MBNL1: variants seen among roughly 807,000 people sequenced by gnomAD.
The protein encoded by MBNL1 is muscleblind-like protein 1.
MBNL1 carries 8 observed loss-of-function variants against 42.2 expected under a neutral mutation model. The observed-to-expected ratio is 0.19, with a 90% CI of 0.11 to 0.34. The LOEUF is 0.34. Ranked by LOEUF, MBNL1 falls within the 10% of genes least tolerant of loss-of-function variation. The probability of loss-of-function intolerance (pLI) is 1.00; values close to 1 mark genes in which losing one functional copy is unlikely to be tolerated. For missense variants in MBNL1, 309 were observed against 495.3 expected (o/e 0.62, Z 3.57); for synonymous variants, 169 against 173.9 (o/e 0.97, Z 0.22).
chr3:152,432,735 C>T lies in MBNL1; in HGVS notation c.364C>T (p.Pro122Ser), dbSNP rs199635840. ...TTTTCAGCCAATGTTTTCAGTTGCA[C>T]CAAGCTTAGCCACCAATGCATCAGC... is the stretch of plus-strand genomic sequence containing the variant. Reference protein sequence around the residue: ...LQPVPMFSVAPSLATNASAAA... With the variant: ...LQPVPMFSVASSLATNASAAA... Residue 122 changes from proline to serine, a missense_variant, in exon 4 of 10, where the codon CCA (proline) becomes TCA (serine). Coordinates refer to ENST00000324210, the MANE Select transcript of MBNL1 (RefSeq NM_021038.5). 6.2e-7 allele frequency: 1 copy of T among 1,614,174 alleles called. No individual in the cohort carries two copies. Among genetic ancestry groups the T allele is most frequent in the East Asian group, 2.2e-5 (1 of 44,886 alleles).
At chr3:152,274,308 A>G (rs985893947) in intron 1 of MBNL1, among the ~76,000 whole-genome samples, 1 of 152,214 alleles carries the variant, frequency 6.6e-6, no homozygotes, top group African/African-American at 2.4e-5. Context: ...ATAAGTGAAT[A>G]CATATTGTGA....
At chr3:152,440,501 A>G (rs1480525167) in intron 4 of MBNL1, among the ~76,000 whole-genome samples, 2 of 152,180 alleles carry the variant, frequency 1.3e-5, no homozygotes, top group South Asian at 2.1e-4. Flanking sequence ...CTTATTCCCT[A>G]TCTTAAGAAC....
At chr3:152,415,202 A>G (rs904582058) in intron 3 of MBNL1, 91 bp downstream of exon 3, 2 of 1,205,060 alleles carry the variant, frequency 1.7e-6, no homozygotes, top group Non-Finnish European at 2.2e-6. Context: ...GATCAAATGA[A>G]CACAGGCAAC....
intron 2 of MBNL1, chr3:152,300,910 A>C (rs2060472941): frequency 1.8e-5 from 18 of 983,198 alleles, no homozygotes; most frequent in Non-Finnish European, 2.2e-5. Context: ...TGGAAAATGT[A>C]ACTAGAAGTA....
At chr3:152,324,817 C>T (rs1379038076) in intron 2 of MBNL1, among the ~76,000 whole-genome samples, 5 of 151,950 alleles carry the variant, frequency 3.3e-5, no homozygotes, top group African/African-American at 4.8e-5. Flanking sequence ...AATAATAGCA[C>T]GTACCTTGGG....
At chr3:152,310,383 A>C (rs1012269643) in intron 2 of MBNL1, among the ~76,000 whole-genome samples, 6 of 152,250 alleles carry the variant, frequency 3.9e-5, no homozygotes, top group Non-Finnish European at 8.8e-5. Flanking sequence ...GAGATGCTGA[A>C]CTGAGATTCA....
At chr3:152,330,808 T>TA (rs1165203161) in intron 2 of MBNL1, among the ~76,000 whole-genome samples, 1 of 152,188 alleles carries the variant, frequency 6.6e-6, no homozygotes, top group Non-Finnish European at 1.5e-5. Flanking sequence ...ATTTATAAAT[T>TA]AAACTTTATT....
intron 1 of MBNL1, among the ~76,000 whole-genome samples, chr3:152,288,609 T>C (rs529627999): frequency 6.6e-6 from 1 of 152,300 alleles, no homozygotes; most frequent in East Asian, 1.9e-4. Context: ...TCTTATGACA[T>C]AGTGTTGTCA....
intron 1 of MBNL1, among the ~76,000 whole-genome samples, chr3:152,291,091 G>A (rs541951946): frequency 9.6e-4 from 146 of 152,248 alleles, no homozygotes; most frequent in African/African-American, 3.4e-3. Flanking sequence ...TGATGTCTTT[G>A]TGTAATATAT....
chr3:152,358,320 T>C (rs984265029), intron 2 of MBNL1, among the ~76,000 whole-genome samples: 18 of 152,222 alleles, frequency 1.2e-4, no homozygotes, highest in Non-Finnish European at 2.4e-4. Context: ...TTTTTATTCA[T>C]ATTTAAACAT....
upstream of MBNL1, chr3:152,268,791 T>C (rs906756888): frequency 2.2e-6 from 1 of 453,396 alleles, no homozygotes; most frequent in Non-Finnish European, 4.4e-6. Flanking sequence ...AAGAGCGTTT[T>C]TCTCGCCGCC....
intron 2 of MBNL1, among the ~76,000 whole-genome samples, chr3:152,394,921 C>T (rs549853784): frequency 3.9e-5 from 6 of 152,276 alleles, no homozygotes; most frequent in East Asian, 1.9e-4. Flanking sequence ...CGCAGTGGAG[C>T]GATCTCGGCT....
chr3:152,313,198 T>TA (rs2068066372), intron 2 of MBNL1, among the ~76,000 whole-genome samples: 1 of 152,082 alleles, frequency 6.6e-6, no homozygotes, highest in African/African-American at 2.4e-5. Flanking sequence ...GATTTTTTTT[T>TA]ATCTTTAATA....
intron 2 of MBNL1, among the ~76,000 whole-genome samples, chr3:152,390,820 C>G (rs1013618218): frequency 1.4e-4 from 21 of 152,114 alleles, no homozygotes; most frequent in Non-Finnish European, 2.4e-4. Flanking sequence ...GCAAGAATGC[C>G]CTTGCCCTAA....
upstream of MBNL1, chr3:152,264,237 C>T (rs2036810058): frequency 6.6e-6 from 1 of 152,100 alleles, no homozygotes; most frequent in Non-Finnish European, 1.5e-5. Flanking sequence ...ATTTCTGTAA[C>T]CACAGTACCT....
intron 2 of MBNL1, among the ~76,000 whole-genome samples, chr3:152,343,460 A>G (rs2093695353): frequency 6.6e-6 from 1 of 152,152 alleles, no homozygotes; most frequent in African/African-American, 2.4e-5. Context: ...GATGTGTATC[A>G]TAATATTTAT....
intron 2 of MBNL1, among the ~76,000 whole-genome samples, chr3:152,319,005 C>T (rs558177019): frequency 5.3e-4 from 80 of 152,064 alleles, no homozygotes; most frequent in African/African-American, 1.9e-3. Context: ...TTTGAAGTAG[C>T]TTGGAAAAAA....
At chr3:152,344,435 A>G (rs942722325) in intron 2 of MBNL1, among the ~76,000 whole-genome samples, 2 of 152,168 alleles carry the variant, frequency 1.3e-5, no homozygotes, top group African/African-American at 4.8e-5. Flanking sequence ...GGCGTGGTAT[A>G]TCAAAAGCCA....
At chr3:152,428,677 A>G (rs1440623304) in intron 3 of MBNL1, among the ~76,000 whole-genome samples, 3 of 152,212 alleles carry the variant, frequency 2.0e-5, no homozygotes, top group Non-Finnish European at 4.4e-5. Flanking sequence ...AACTAGAATC[A>G]CCTAGGAGCT....
Sources: gnomAD v4.1 joint callset for allele counts (sites outside exome capture counted in the v4.1 genomes callset) on GRCh38, gnomAD v4.1.1 for gene constraint, MANE v1.5 for transcripts, NCBI Gene and HGNC (gene_info 2026-07-23, HGNC 2026-07-21) for gene names.